Variants in STAG1 observed in about 807,000 individuals in gnomAD.
The protein encoded by STAG1 is STAG1 cohesin complex component.
Under a neutral mutation model 170.9 loss-of-function variants are expected in STAG1, and 26 were observed. The ratio of observed to expected loss-of-function variants is 0.15; its 90% CI spans 0.11 to 0.21. The LOEUF is 0.21. Among genes scored for constraint, STAG1 ranks in the 10% least tolerant of loss-of-function variants. STAG1 has a pLI of 1.00. For missense variants in STAG1, 964 were observed against 1,509.5 expected, an observed-to-expected ratio of 0.64 and a Z score of 5.99; for synonymous variants, 514 against 497.7, an observed-to-expected ratio of 1.03 and a Z score of -0.44.
intron 1 of STAG1, among the ~76,000 whole-genome samples, chr3:136,708,967 CT>C (rs61595071): frequency 0.066 from 5,666 of 85,624 alleles, 131 homozygotes; most frequent in African/African-American, 0.078. Context: ...CTGCAGCTGG[CT>C]TTTTTTTTTT....
intron 1 of STAG1, among the ~76,000 whole-genome samples, chr3:136,741,681 T>C (rs1482459372): frequency 2.6e-5 from 4 of 152,212 alleles, no homozygotes; most frequent in Non-Finnish European, 5.9e-5. Context: ...TTGGTCACGC[T>C]GGTCTTGAAC....
intron 20 of STAG1, among the ~76,000 whole-genome samples, chr3:136,420,244 CAAAAAAAAAAAA>C (rs71157379): frequency 1.0e-3 from 37 of 36,948 alleles, no homozygotes; most frequent in Middle Eastern, 0.015. Flanking sequence ...GAGACTCTGT[CAAAAAAAAAAAA>C]AAAAAAAAAA....
intron 6 of STAG1, among the ~76,000 whole-genome samples, chr3:136,522,303 C>T (rs1013079055): frequency 6.6e-6 from 1 of 152,112 alleles, no homozygotes; most frequent in Non-Finnish European, 1.5e-5. Flanking sequence ...ATCCCAAGAA[C>T]AGGTAACAAA....
intron 5 of STAG1, among the ~76,000 whole-genome samples, chr3:136,561,598 T>C (rs1290671549): frequency 6.6e-6 from 1 of 152,210 alleles, no homozygotes; most frequent in East Asian, 1.9e-4. Flanking sequence ...TATAATAGTT[T>C]TGCAAACTGA....
At chr3:136,588,027 G>T (rs1328192129) in intron 4 of STAG1, among the ~76,000 whole-genome samples, 2 of 152,142 alleles carry the variant, frequency 1.3e-5, no homozygotes, top group Admixed American at 6.6e-5. Context: ...TAAGAGTAAA[G>T]ATTAATCAAG....
intron 1 of STAG1, among the ~76,000 whole-genome samples, chr3:136,691,430 CAA>C (rs529191103): frequency 1.5e-5 from 2 of 132,708 alleles, no homozygotes; most frequent in African/African-American, 2.8e-5. Flanking sequence ...GCGAGACTCT[CAA>C]AAAAAAAAAA....
At chr3:136,403,224 TAAAAAAAAAAAAAAA>T (rs55678408) in intron 21 of STAG1, among the ~76,000 whole-genome samples, 1 of 33,600 alleles carries the variant, frequency 3.0e-5, no homozygotes, top group Non-Finnish European at 4.7e-5. Context: ...GAGACTGTCT[TAAAAAAAAAAAAAAA>T]AAAAAAAAAA....
At chr3:136,346,674 C>T (rs149613589) in intron 29 of STAG1, among the ~76,000 whole-genome samples, 85 of 152,206 alleles carry the variant, frequency 5.6e-4, no homozygotes, top group African/African-American at 1.8e-3. Flanking sequence ...ATACGTCATT[C>T]GCTATGTGCC....
chr3:136,566,539 A>G (rs1395299094), intron 5 of STAG1, among the ~76,000 whole-genome samples: 1 of 152,244 alleles, frequency 6.6e-6, no homozygotes, highest in African/African-American at 2.4e-5. Flanking sequence ...TTACTTGTAT[A>G]TTACGTGAAC....
chr3:136,682,446 A>T lies in STAG1; in HGVS notation c.-83-51465T>A, dbSNP rs138308841. The stretch of plus-strand genomic sequence containing the variant: ...TTTCACAAAATTAAAAAAAAAATAA[A>T]ATATATATATATATATACACATATG... On this transcript the variant is annotated intron_variant, in intron 1 of 33. Transcript: ENST00000383202. 3.4e-3 allele frequency among the ~76,000 whole-genome samples: 493 copies of T among 146,396 alleles called. 2 individuals are homozygous for T. The highest frequency in any genetic ancestry group is 1.0e-2 in the African/African-American group (402 of 40,330).
intron 32 of STAG1, 125 bp from the exon 33 acceptor site, chr3:136,338,575 G>A (rs1431102626): frequency 7.4e-6 from 5 of 671,642 alleles, no homozygotes; most frequent in Non-Finnish European, 1.3e-5. Context: ...ATTTTGAAAG[G>A]AAGAAGAGAA....
At chr3:136,663,466 T>C (rs1044484643) in intron 1 of STAG1, among the ~76,000 whole-genome samples, 1 of 152,198 alleles carries the variant, frequency 6.6e-6, no homozygotes, top group Non-Finnish European at 1.5e-5. Context: ...CAGAGATAGA[T>C]TCACTCTTAA....
intron 21 of STAG1, among the ~76,000 whole-genome samples, chr3:136,408,829 A>G (rs1183950054): frequency 1.3e-5 from 2 of 152,218 alleles, no homozygotes; most frequent in Non-Finnish European, 2.9e-5. Context: ...AAAAATGGAT[A>G]GAAGAATACT....
At chr3:136,552,794 TG>T (rs1936462678) in intron 5 of STAG1, among the ~76,000 whole-genome samples, 1 of 152,158 alleles carries the variant, frequency 6.6e-6, no homozygotes, top group Admixed American at 6.5e-5. Flanking sequence ...AACAAATAAC[TG>T]AAAGAAAATC....
chr3:136,526,406 T>C (rs1935031036), intron 6 of STAG1, among the ~76,000 whole-genome samples: 2 of 152,228 alleles, frequency 1.3e-5, no homozygotes, highest in Non-Finnish European at 2.9e-5. Flanking sequence ...TATCAGAGAC[T>C]AGGATTGCAA....
At chr3:136,432,521 G>T (rs986813373) in intron 16 of STAG1, among the ~76,000 whole-genome samples, 2 of 144,402 alleles carry the variant, frequency 1.4e-5, no homozygotes, top group Non-Finnish European at 3.1e-5. Context: ...TTTTGGGGGG[G>T]GGGGGGCACA....
At chr3:136,353,999 T>C (rs570784105) in intron 28 of STAG1, among the ~76,000 whole-genome samples, 2 of 152,242 alleles carry the variant, frequency 1.3e-5, no homozygotes, top group African/African-American at 4.8e-5. Context: ...TATTTGAATA[T>C]AGGAATGATA....
chr3:136,500,762 C>T (rs1248808679), intron 8 of STAG1, among the ~76,000 whole-genome samples: 1 of 152,138 alleles, frequency 6.6e-6, no homozygotes, highest in East Asian at 1.9e-4. Context: ...AGACAGCAGG[C>T]CAAGTTCCCA....
At chr3:136,411,948 C>T (rs117356213) in intron 21 of STAG1, among the ~76,000 whole-genome samples, 5 of 152,082 alleles carry the variant, frequency 3.3e-5, no homozygotes, top group East Asian at 2.0e-4. Context: ...CCACCACGCC[C>T]GGCTAATTGT....
Sources: gnomAD v4.1 joint callset for allele counts (sites outside exome capture counted in the v4.1 genomes callset) on GRCh38, gnomAD v4.1.1 for gene constraint, MANE v1.5 for transcripts, NCBI Gene and HGNC (gene_info 2026-07-23, HGNC 2026-07-21) for gene names.